Variants in GLG1 observed in about 807,000 individuals in gnomAD.
The protein encoded by GLG1 is golgi glycoprotein 1, also known as Golgi apparatus protein 1.
GLG1 carries 38 observed loss-of-function variants against 160.5 expected under a neutral mutation model. That is an observed-to-expected ratio of 0.24 (90% CI 0.18 to 0.31). GLG1 has a LOEUF of 0.31. GLG1 is among the 10% of genes least tolerant of loss of function. GLG1 has a pLI of 1.00. For missense variants in GLG1, 1,373 were observed against 1,505.2 expected, an observed-to-expected ratio of 0.91 and a Z score of 1.45; for synonymous variants, 644 against 543.4, an observed-to-expected ratio of 1.19 and a Z score of -2.57.
At chr16:74,512,160 C>CTT (rs71848568) in intron 2 of GLG1, among the ~76,000 whole-genome samples, 1 of 135,870 alleles carries the variant, frequency 7.4e-6, no homozygotes. Context: ...TCTTTTATTT[C>CTT]TTTTTTTTTT....
intron 1 of GLG1, among the ~76,000 whole-genome samples, chr16:74,533,264 T>C (rs1015532479): frequency 2.4e-4 from 37 of 152,152 alleles, no homozygotes; most frequent in Admixed American, 1.6e-3. Flanking sequence ...GAGCTTGCAG[T>C]GAACCGAGAT....
chr16:74,490,250 G>C (rs1360804342), intron 8 of GLG1, among the ~76,000 whole-genome samples: 1 of 152,042 alleles, frequency 6.6e-6, no homozygotes, highest in Non-Finnish European at 1.5e-5. Context: ...TTTTGTACCT[G>C]ACCTACAGTT....
chr16:74,545,309 T>C (rs2018016223), intron 1 of GLG1, among the ~76,000 whole-genome samples: 1 of 152,012 alleles, frequency 6.6e-6, no homozygotes, highest in South Asian at 2.1e-4. Flanking sequence ...GCCTCCCTAG[T>C]AGTTGGGACT....
chr16:74,598,174 T>C (rs546710631), intron 1 of GLG1, among the ~76,000 whole-genome samples: 10 of 152,298 alleles, frequency 6.6e-5, no homozygotes, highest in Non-Finnish European at 1.3e-4. Context: ...AGCAGTAGTA[T>C]ACTTGAACAC....
intron 1 of GLG1, among the ~76,000 whole-genome samples, chr16:74,587,357 G>C (rs981519219): frequency 3.3e-5 from 5 of 152,202 alleles, no homozygotes; most frequent in African/African-American, 1.2e-4. Flanking sequence ...ATCTAAAGCA[G>C]CTAGAATTTG....
intron 2 of GLG1, among the ~76,000 whole-genome samples, chr16:74,510,905 G>A (rs1429344436): frequency 2.6e-5 from 4 of 152,072 alleles, no homozygotes; most frequent in Non-Finnish European, 5.9e-5. Flanking sequence ...GTTTGGTCAG[G>A]GAAGATTTAC....
rs192227656 is a variant in GLG1 at position 74,506,439 on chromosome 16, A to G, written c.558+2400T>C. On this transcript the variant is annotated intron_variant, in intron 3 of 25. Transcript: ENST00000422840. ...TAAAAATACAAAAAAAAAATTAGCC[A>G]TGTGTGGTAGCAGGTGCCTGTAGTC... Among the ~76,000 whole-genome samples, 465 of 150,614 alleles carry G rather than the reference A, an allele frequency of 3.1e-3. 1 individual carries two copies. Among genetic ancestry groups the G allele is most frequent in the Non-Finnish European group, 5.5e-3 (371 of 67,470 alleles).
intron 4 of GLG1, among the ~76,000 whole-genome samples, chr16:74,500,865 A>G (rs1389740762): frequency 6.6e-6 from 1 of 152,198 alleles, no homozygotes; most frequent in Non-Finnish European, 1.5e-5. Flanking sequence ...TAAAATTCTA[A>G]AGCCTTTATT....
In GLG1 at chr16:74,452,374, G is replaced by C. The variant is rs540406331; in HGVS notation, c.*793C>G. On this transcript the variant is annotated 3_prime_UTR_variant, in exon 26 of 26. Transcript: ENST00000422840. ...ACTCAGGATCCAGCCTCTCAGTGCAGATGGATGGACTGTTCAACTTCACAA... is the reference window on the plus strand; with the variant it reads ...ACTCAGGATCCAGCCTCTCAGTGCACATGGATGGACTGTTCAACTTCACAA... 1 of 1,336,808 alleles carries C rather than the reference G, an allele frequency of 7.5e-7. No homozygotes were observed. The highest frequency in any genetic ancestry group is 3.1e-5 in the East Asian group (1 of 32,396). 82.8% of individuals were successfully genotyped at this position (1,336,808 alleles called of 1,614,324 possible). A position where few individuals can be genotyped will look rare whatever the true frequency, so the allele number is the denominator to read the frequency against.
chr16:74,565,717 G>C (rs1003414515), intron 1 of GLG1, among the ~76,000 whole-genome samples: 1 of 152,162 alleles, frequency 6.6e-6, no homozygotes, highest in South Asian at 2.1e-4. Context: ...TTCCTGGTTC[G>C]AGAGGCTGCC....
chr16:74,602,437 G>C (rs961829356), intron 1 of GLG1, among the ~76,000 whole-genome samples: 3 of 152,156 alleles, frequency 2.0e-5, no homozygotes, highest in Admixed American at 1.3e-4. Flanking sequence ...TGAAATGACA[G>C]TATCTGGGAT....
intron 1 of GLG1, among the ~76,000 whole-genome samples, chr16:74,554,353 G>C (rs1298407427): frequency 2.0e-5 from 3 of 152,206 alleles, no homozygotes; most frequent in African/African-American, 4.8e-5. Flanking sequence ...GGTCAACATA[G>C]TGAAACCCCA....
At chr16:74,513,798 T>C (rs139201504) in intron 2 of GLG1, among the ~76,000 whole-genome samples, 750 of 152,140 alleles carry the variant, frequency 4.9e-3, no homozygotes, top group Non-Finnish European at 7.8e-3. Context: ...ATTTGACAAG[T>C]TGACAGAAGT....
intron 22 of GLG1, among the ~76,000 whole-genome samples, chr16:74,460,384 T>C (rs569566861): frequency 6.6e-6 from 1 of 152,180 alleles, no homozygotes; most frequent in Non-Finnish European, 1.5e-5. Flanking sequence ...CTTGAACTCC[T>C]GACCTCAGGT....
At chr16:74,489,314 T>A (rs2015900390) in intron 8 of GLG1, among the ~76,000 whole-genome samples, 1 of 151,752 alleles carries the variant, frequency 6.6e-6, no homozygotes, top group African/African-American at 2.4e-5. Context: ...CTACTAAAAA[T>A]ACAAAAATTA....
chr16:74,507,826 G>A (rs767045854), intron 3 of GLG1, among the ~76,000 whole-genome samples: 1 of 152,162 alleles, frequency 6.6e-6, no homozygotes. Flanking sequence ...TAATTTGTTA[G>A]TATTTAGTTC....
intron 1 of GLG1, among the ~76,000 whole-genome samples, chr16:74,576,320 G>C (rs758404426): frequency 1.3e-5 from 2 of 152,052 alleles, no homozygotes; most frequent in Non-Finnish European, 2.9e-5. Context: ...CTATAAAAAT[G>C]CAAGACATAT....
rs1028127818 is a variant in GLG1, at chr16:74,449,567, A to G, written c.*3600T>C. ...GTAACTTTCTGTAGCATCTTCAGGG[A>G]AAGCTGTCTCTTCACCAGGATGCAT... On this transcript the variant is annotated 3_prime_UTR_variant, in exon 26 of 26. Coordinates refer to ENST00000422840, the MANE Select transcript of GLG1 (RefSeq NM_001145667.2). 1 of 152,210 alleles carries G rather than the reference A, an allele frequency of 6.6e-6. No individual in the cohort carries two copies. Among genetic ancestry groups the G allele is most frequent in the Non-Finnish European group, 1.5e-5 (1 of 68,044 alleles). 9.4% of individuals were successfully genotyped at this position (152,210 alleles called of 1,614,324 possible). A position where few individuals can be genotyped will look rare whatever the true frequency, so the allele number is the denominator to read the frequency against.
rs752310258 is a variant in GLG1, at chr16:74,465,718, C to T, written c.2625G>A (p.Glu875=). 3.7e-6 allele frequency: 6 copies of T among 1,613,888 alleles called. No homozygotes were observed. In the East Asian group the frequency reaches 1.1e-4, roughly 30 times the overall value. ...KLQETEMMDP[E]LDYTLMRVCK... ...AGACCCTCATGAGGGTGTAGTCTAG[C>T]TCTGGGTCCATCATCTCTGTCTCCT... is the stretch of plus-strand genomic sequence containing the variant. The change falls in exon 19 of 26, where the codon GAG becomes GAA. Residue 875 remains glutamate, a synonymous_variant. Transcript: ENST00000422840.
Sources: gnomAD v4.1 joint callset for allele counts (sites outside exome capture counted in the v4.1 genomes callset) on GRCh38, gnomAD v4.1.1 for gene constraint, MANE v1.5 for transcripts, NCBI Gene and HGNC (gene_info 2026-07-23, HGNC 2026-07-21) for gene names.